The following SCART1 variants were observed in gnomAD, a reference collection of about 807,000 sequenced individuals.
SCART1 encodes scavenger receptor cysteine-rich domain-containing protein SCART1.
In SCART1, 62 loss-of-function variants were observed where a neutral mutation model predicts 36.2. That is an observed-to-expected ratio of 1.71 (90% CI 1.40 to 2.12). The LOEUF is 2.12. Ranked by LOEUF, SCART1 falls within the 30% of genes most tolerant of loss-of-function variation. SCART1 has a pLI of 0.00. For synonymous variants in SCART1, 487 were observed against 238.7 expected (o/e 2.04, Z -9.59); for missense variants, 1,041 against 540.5 (o/e 1.93, Z -9.18).
rs1440724623 is a variant in SCART1 at position 133,458,394 on chromosome 10, C to T, written c.717C>T (p.His239=). 1.6e-5 allele frequency: 11 copies of T among 702,364 alleles called. No individual in the cohort carries two copies. In the East Asian group the frequency reaches 3.0e-4, roughly 19 times the overall value. 43.5% of individuals were successfully genotyped at this position (702,364 alleles called of 1,614,324 possible). A position where few individuals can be genotyped will look rare whatever the true frequency, so the allele number is the denominator to read the frequency against. Residue 239 remains histidine (H), a synonymous_variant, in exon 4 of 12, where the codon CAC becomes CAT. Transcript: ENST00000640237. ...AGGCCCGACTGGTGGGCGGCGAGCA[C>T]CCCTGCGCCGGGCGCCTGGAGGTGA...
chr10:133,465,080 T>C (rs1487993245), intron 7 of SCART1, 26 bp from the exon 8 acceptor site: 1 of 702,906 alleles, frequency 1.4e-6, no homozygotes, highest in South Asian at 1.5e-5. Flanking sequence ...GCACCGAAGC[T>C]CTCAGAGCTG....
At chr10:133,463,810 A>C (rs1850731857) in intron 6 of SCART1, among the ~76,000 whole-genome samples, 1 of 152,150 alleles carries the variant, frequency 6.6e-6, no homozygotes, top group Non-Finnish European at 1.5e-5. Flanking sequence ...GACATGTATC[A>C]TTTCTTCGTG....
At chr10:133,463,817 C>T (rs569757767) in intron 6 of SCART1, among the ~76,000 whole-genome samples, 10 of 152,208 alleles carry the variant, frequency 6.6e-5, no homozygotes, top group Admixed American at 2.0e-4. Flanking sequence ...ATCATTTCTT[C>T]GTGTTGGGAA....
rs1228604459 is a variant in SCART1, at chr10:133,464,595, T to G, written c.1970-11T>G. 1 of 640,018 alleles carries G rather than the reference T, an allele frequency of 1.6e-6. No homozygotes were observed. Among genetic ancestry groups the G allele is most frequent in the African/African-American group, 1.8e-5 (1 of 55,836 alleles). 39.6% of individuals were successfully genotyped at this position (640,018 alleles called of 1,614,324 possible). Reference sequence around the variant, plus strand: ...AGGGCACTCCCTGGCCTGACTGTGCTTGCCTTGCAGAGTCGGTGGCTCTGA... The same window carrying G: ...AGGGCACTCCCTGGCCTGACTGTGCGTGCCTTGCAGAGTCGGTGGCTCTGA... On this transcript the variant is annotated splice_polypyrimidine_tract_variant and intron_variant, in intron 6 of 11. Coordinates refer to ENST00000640237, the Ensembl canonical transcript of SCART1.
At chr10:133,465,754 GT>G (rs1850758078) in intron 9 of SCART1, 189 bp downstream of exon 9, 2 of 664,920 alleles carry the variant, frequency 3.0e-6, no homozygotes, top group Admixed American at 4.2e-5. Flanking sequence ...ACTCCCTGGG[GT>G]TTCCCCCTAA....
In SCART1 at chr10:133,467,399, G is replaced by A. The variant is rs747450091; in HGVS notation, c.2962+46G>A. On this transcript the variant is annotated intron_variant, in intron 11 of 11. Transcript: ENST00000640237. Reference sequence around the variant, plus strand: ...AGGGGTGAGCTCTGGGGTGGGCTACGGATGCTGACCACAAGATGCAGTGGA... The same window carrying A: ...AGGGGTGAGCTCTGGGGTGGGCTACAGATGCTGACCACAAGATGCAGTGGA... 2.2e-3 allele frequency: 1,442 copies of A among 669,822 alleles called. 20 individuals carry two copies. Among genetic ancestry groups the A allele is most frequent in the Middle Eastern group, 1.6e-3 (5 of 3,084 alleles). The allele number at this position is 669,822 out of a possible 1,614,324, so 41.5% of individuals were successfully genotyped here.
Position 133,464,776 on chromosome 10 carries a change from G to C in SCART1, c.2140G>C (p.Glu714Gln), listed in dbSNP as rs548013247. Residue 714 changes from glutamate to glutamine, a missense_variant, in exon 7 of 12, where the codon GAA (glutamate) becomes CAA (glutamine). Glu to Gln is a conservative substitution (Grantham distance 29). Transcript: ENST00000640237. ...GGTGTGGGGAGTGGGGCTGGCTGGAGAACAGGCCCTTCCCCTCTGCGGGCA... is the reference window on the plus strand; with the variant it reads ...GGTGTGGGGAGTGGGGCTGGCTGGACAACAGGCCCTTCCCCTCTGCGGGCA... 16 of 702,418 alleles carry C rather than the reference G, an allele frequency of 2.3e-5. No individual in the cohort carries two copies. The African/African-American group carries it at 2.8e-4, about 12-fold the overall frequency. The allele number at this position is 702,418 out of a possible 1,614,324, so 43.5% of individuals were successfully genotyped here.
exon 12 of SCART1, chr10:133,467,882 T>C (rs1319386953): frequency 1.4e-6 from 1 of 699,288 alleles, no homozygotes; most frequent in East Asian, 2.7e-5. Flanking sequence ...GGAGGGACAG[T>C]CTATACGTGC....
At chr10:133,464,144 T>G (rs1850734963) in intron 6 of SCART1, 2 of 156,864 alleles carry the variant, frequency 1.3e-5, no homozygotes, top group Non-Finnish European at 2.8e-5. Context: ...ATGATGGGAT[T>G]TTATTGTTTT....
chr10:133,466,375 C>A (rs1222285667), exon 10 of SCART1: 1 of 702,624 alleles, frequency 1.4e-6, no homozygotes, highest in Non-Finnish European at 2.6e-6. Context: ...ACAAGCCATG[C>A]AGAGGGGTAA....
chr10:133,465,726 G>C, intron 9 of SCART1, 161 bp downstream of exon 9: 1 of 626,302 alleles, frequency 1.6e-6, no homozygotes, highest in Non-Finnish European at 2.9e-6. Context: ...TTGCTGTGGA[G>C]GCCTGTTTGG....
At chr10:133,458,620 T>C in exon 4 of SCART1, 1 of 697,968 alleles carries the variant, frequency 1.4e-6, no homozygotes, top group Non-Finnish European at 2.6e-6. Flanking sequence ...TGGGAGCCAG[T>C]GTGGGCATGG....
Position 133,467,187 on chromosome 10 carries a change from C to T in SCART1, c.2807-11C>T. 1.5e-6 allele frequency: 1 copy of T among 689,036 alleles called. No individual in the cohort carries two copies. Among genetic ancestry groups the T allele is most frequent in the Non-Finnish European group, 2.6e-6 (1 of 377,662 alleles). The allele number at this position is 689,036 out of a possible 1,614,324, so 42.7% of individuals were successfully genotyped here. A position where few individuals can be genotyped will look rare whatever the true frequency, so the allele number is the denominator to read the frequency against. ...GAGGGCCTGTGTGTGACCATGCTCA[C>T]CTTGCCTCAGGTCTGGGAAGATCCG... On this transcript the variant is annotated splice_polypyrimidine_tract_variant and intron_variant, in intron 10 of 11. Transcript: ENST00000640237.
intron 2 of SCART1, chr10:133,456,959 T>C (rs930954712): frequency 2.0e-5 from 10 of 508,074 alleles, no homozygotes; most frequent in African/African-American, 2.0e-4. Context: ...CAGCTGTCCC[T>C]CACATTTTAT....
At chr10:133,457,801 C>T (rs1231270466) in intron 3 of SCART1, 3 of 557,730 alleles carry the variant, frequency 5.4e-6, no homozygotes, top group Non-Finnish European at 9.4e-6. Flanking sequence ...TCAGAACCCG[C>T]AGGCCATCTA....
intron 1 of SCART1, among the ~76,000 whole-genome samples, chr10:133,454,843 A>G (rs1362255627): frequency 6.6e-6 from 1 of 152,146 alleles, no homozygotes; most frequent in Non-Finnish European, 1.5e-5. Context: ...ATTTGAAGGA[A>G]AGGCAGCAAT....
chr10:133,465,218 C>T (rs908611814), intron 8 of SCART1, 33 bp from the exon 9 acceptor site: 5 of 701,566 alleles, frequency 7.1e-6, no homozygotes, highest in Admixed American at 6.0e-5. Flanking sequence ...CATCCCGGTC[C>T]AGCCCCCGCA....
chr10:133,468,145 T>A, exon 12 of SCART1: 1 of 495,890 alleles, frequency 2.0e-6, no homozygotes, highest in Non-Finnish European at 3.6e-6. Flanking sequence ...CTCATCCCCT[T>A]CGAGGGCCAT....
chr10:133,460,809 A>T (rs1461224668), intron 6 of SCART1, among the ~76,000 whole-genome samples: 1 of 150,556 alleles, frequency 6.6e-6, no homozygotes, highest in Non-Finnish European at 1.5e-5. Context: ...TGCAATCTTG[A>T]CTCAGTGCAA....
Sources: gnomAD v4.1 joint callset for allele counts (sites outside exome capture counted in the v4.1 genomes callset) on GRCh38, gnomAD v4.1.1 for gene constraint, MANE v1.5 for transcripts, NCBI Gene and HGNC (gene_info 2026-07-23, HGNC 2026-07-21) for gene names.